Variants in KMT2C observed in about 807,000 individuals in gnomAD.
KMT2C encodes histone-lysine N-methyltransferase 2C.
A neutral mutation model predicts 507.9 loss-of-function variants in KMT2C; 88 were observed. That is an observed-to-expected ratio of 0.17 (90% CI 0.15 to 0.21). The LOEUF (loss-of-function observed/expected upper bound fraction) is 0.21, where lower values mean the gene tolerates loss of function less well. Among genes scored for constraint, KMT2C ranks in the 10% least tolerant of loss-of-function variants. The probability of loss-of-function intolerance (pLI) is 1.00; values close to 1 mark genes in which losing one functional copy is unlikely to be tolerated. For missense variants in KMT2C, 4,954 were observed against 5,957.8 expected (o/e 0.83, Z 5.55); for synonymous variants, 2,049 against 2,080.8 (o/e 0.98, Z 0.42).
chr7:152,375,717 C>T (rs1037211114), intron 1 of KMT2C, among the ~76,000 whole-genome samples: 13 of 152,024 alleles, frequency 8.6e-5, no homozygotes, highest in African/African-American at 2.9e-4. Context: ...TTTCCAGCAG[C>T]ATGCACTCAC....
chr7:152,240,598 C>T (rs1251454263), intron 14 of KMT2C, among the ~76,000 whole-genome samples: 4 of 152,290 alleles, frequency 2.6e-5, no homozygotes, highest in Admixed American at 2.6e-4. Context: ...TTTTCTCACA[C>T]AAAACCCCTC....
intron 2 of KMT2C, among the ~76,000 whole-genome samples, chr7:152,339,342 C>A (rs1173268524): frequency 6.6e-6 from 1 of 152,092 alleles, no homozygotes; most frequent in Admixed American, 6.5e-5. Flanking sequence ...TTGGTGGATA[C>A]CTAAGTGTTT....
chr7:152,178,679 A>G (rs544841862), intron 37 of KMT2C, among the ~76,000 whole-genome samples: 1 of 152,352 alleles, frequency 6.6e-6, no homozygotes, highest in South Asian at 2.1e-4. Flanking sequence ...AATTAAGAGT[A>G]AGATTACAGG....
Position 152,262,992 on chromosome 7 carries a change from A to T in KMT2C, c.1299+24T>A, listed in dbSNP as rs537408830. The T allele has an allele frequency of 5.1e-6, 8 of 1,560,892 alleles. No individual in the cohort carries two copies. The East Asian group carries it at 1.3e-4, about 26-fold the overall frequency. On this transcript the variant is annotated intron_variant, in intron 9 of 58. Transcript: ENST00000262189. ...ATATAAAACATAGAGAGGATTTAAA[A>T]AAATAAATAAATAAACAACTTACTT...
At chr7:152,350,415 T>C (rs114645125) in intron 2 of KMT2C, among the ~76,000 whole-genome samples, 2 of 152,290 alleles carry the variant, frequency 1.3e-5, no homozygotes, top group South Asian at 2.1e-4. Flanking sequence ...TTAGGCAATT[T>C]TGTCACTGTT....
chr7:152,167,598 G>A (rs2092786786), intron 41 of KMT2C, among the ~76,000 whole-genome samples: 1 of 152,130 alleles, frequency 6.6e-6, no homozygotes, highest in African/African-American at 2.4e-5. Context: ...TTGAGATACT[G>A]GTTAACTTAG....
intron 1 of KMT2C, among the ~76,000 whole-genome samples, chr7:152,390,820 T>C (rs560472212): frequency 6.6e-6 from 1 of 152,106 alleles, no homozygotes; most frequent in African/African-American, 2.4e-5. Flanking sequence ...GATAGAGCCA[T>C]GACCCAAGAA....
At chr7:152,157,327 C>CAAA (rs5888464) in intron 44 of KMT2C, among the ~76,000 whole-genome samples, 1 of 58,948 alleles carries the variant, frequency 1.7e-5, no homozygotes, top group African/African-American at 6.4e-5. Flanking sequence ...GACCCTGTCT[C>CAAA]AAAAAAAAAA....
chr7:152,368,051 T>C, intron 1 of KMT2C: 1 of 858,042 alleles, frequency 1.2e-6, no homozygotes, highest in African/African-American at 1.7e-5. Flanking sequence ...AAGAAGAAAA[T>C]AAACTTGCTA....
Position 152,162,744 on chromosome 7 carries a change from T to G in KMT2C, c.10833A>C (p.Lys3611Asn). The change falls in exon 43 of 59, where the codon AAA becomes AAC. Residue 3611 changes from lysine to asparagine, a missense_variant. Around this residue, in one of 29 missense-constraint regions of KMT2C, gnomAD observed 801 missense variants for 751.2 expected, o/e 1.07. Coordinates refer to ENST00000262189, the MANE Select transcript of KMT2C (RefSeq NM_170606.3). ...TGGTGGATTCTGCATCATCATCTCT[T>G]TTCTTCTTTCTTGTTCTTTTCTTTT... The part of the protein sequence containing the change: ...KGKKKRTRKK[K>N]RDDDAESTKA... 6.2e-7 allele frequency: 1 copy of G among 1,614,188 alleles called. No homozygotes were observed. The highest frequency in any genetic ancestry group is 1.1e-5 in the South Asian group (1 of 91,082).
At chr7:152,217,399 A>G (rs2094612057) in intron 23 of KMT2C, among the ~76,000 whole-genome samples, 1 of 152,222 alleles carries the variant, frequency 6.6e-6, no homozygotes, top group Non-Finnish European at 1.5e-5. Flanking sequence ...ATTTTTATTT[A>G]GCAAACAGAA....
chr7:152,207,465 A>C (rs1418766712), intron 23 of KMT2C, 37 bp from the exon 24 acceptor site: 6 of 1,532,442 alleles, frequency 3.9e-6, no homozygotes, highest in South Asian at 3.5e-5. Flanking sequence ...AACTGGAAAA[A>C]CCTATCAAAT....
chr7:152,214,613 T>G (rs1192711392), intron 23 of KMT2C, among the ~76,000 whole-genome samples: 1 of 152,232 alleles, frequency 6.6e-6, no homozygotes, highest in African/African-American at 2.4e-5. Flanking sequence ...TACAATGGAA[T>G]AGTTAGCTTT....
chr7:152,252,210 G>T (rs564660685), intron 10 of KMT2C, 120 bp from the exon 11 acceptor site: 3 of 701,040 alleles, frequency 4.3e-6, no homozygotes, highest in South Asian at 2.5e-5. Context: ...GAGGAGAGAG[G>T]TTAGAGGAGT....
intron 1 of KMT2C, among the ~76,000 whole-genome samples, chr7:152,385,630 AAAAAAAAAAAAAAAAAAAAT>A: frequency 9.0e-6 from 1 of 110,848 alleles, no homozygotes; most frequent in Non-Finnish European, 1.6e-5. Flanking sequence ...AAAAAAAAAA[AAAAAAAAAAAAAAAAAAAAT>A]TGAGACGTGT....
At chr7:152,195,623 G>C (rs2093938847) in intron 28 of KMT2C, 1 of 810,666 alleles carries the variant, frequency 1.2e-6, no homozygotes, top group Non-Finnish European at 1.5e-6. Flanking sequence ...CAGGAAGTGA[G>C]GGAAAATACA....
chr7:152,303,919 C>T (rs541951508), intron 6 of KMT2C, among the ~76,000 whole-genome samples: 283 of 152,054 alleles, frequency 1.9e-3, no homozygotes, highest in African/African-American at 6.5e-3. Context: ...GCCCAGGAAG[C>T]AGAAGGTGCA....
At chr7:152,288,053 C>T (rs1192353255) in intron 6 of KMT2C, among the ~76,000 whole-genome samples, 1 of 111,038 alleles carries the variant, frequency 9.0e-6, no homozygotes, top group Non-Finnish European at 1.9e-5. Context: ...AAAGCAATTA[C>T]AAACATACTT....
intron 23 of KMT2C, 78 bp from the exon 24 acceptor site, chr7:152,207,506 G>C: frequency 7.4e-7 from 1 of 1,352,416 alleles, no homozygotes. Flanking sequence ...GGAATAAAAA[G>C]TAGGGTTGTT....
Sources: allele counts gnomAD v4.1 joint callset (sites outside exome capture counted in the v4.1 genomes callset), GRCh38; gene constraint gnomAD v4.1.1; regional missense constraint gnomAD v4.1.1; transcripts MANE v1.5; gene names NCBI Gene and HGNC (gene_info 2026-07-23, HGNC 2026-07-21).